PIGN: variants seen among roughly 807,000 people sequenced by gnomAD.
PIGN encodes GPI ethanolamine phosphate transferase 1.
A neutral mutation model predicts 125.4 loss-of-function variants in PIGN; 117 were observed. That is an observed-to-expected ratio of 0.93 (90% confidence interval 0.80 to 1.09). PIGN has a LOEUF of 1.09. Ranked by LOEUF, PIGN falls within the 50% of genes least tolerant of loss-of-function variation. PIGN has a pLI of 0.00. For missense variants in PIGN, 1,075 were observed against 1,094.9 expected, an observed-to-expected ratio of 0.98 and a Z score of 0.26; for synonymous variants, 392 against 377.8, an observed-to-expected ratio of 1.04 and a Z score of -0.44.
At chr18:62,168,705 AT>A (rs1159818358) in intron 1 of PIGN, among the ~76,000 whole-genome samples, 1 of 152,134 alleles carries the variant, frequency 6.6e-6, no homozygotes, top group African/African-American at 2.4e-5. Flanking sequence ...TCTTTATAGC[AT>A]TTTTATAGCT....
At chr18:62,109,525 G>A (rs2034790039) in intron 17 of PIGN, among the ~76,000 whole-genome samples, 1 of 152,124 alleles carries the variant, frequency 6.6e-6, no homozygotes, top group South Asian at 2.1e-4. Context: ...AGTTAGTCTA[G>A]GCATAGTATG....
intron 7 of PIGN, among the ~76,000 whole-genome samples, chr18:62,151,914 T>C (rs1282372158): frequency 6.6e-6 from 1 of 152,090 alleles, no homozygotes; most frequent in Non-Finnish European, 1.5e-5. Context: ...CTCTATAAAA[T>C]ATTTGAAGAG....
intron 23 of PIGN, among the ~76,000 whole-genome samples, chr18:62,035,564 A>C (rs1424467227): frequency 6.6e-6 from 1 of 152,160 alleles, no homozygotes; most frequent in East Asian, 1.9e-4. Context: ...TCTAGGGTAC[A>C]TGTGCACAAC....
intron 14 of PIGN, among the ~76,000 whole-genome samples, chr18:62,118,006 T>C (rs774328084): frequency 6.6e-6 from 1 of 152,176 alleles, no homozygotes; most frequent in African/African-American, 2.4e-5. Flanking sequence ...ATTGATTCCA[T>C]ATTTTAGCTA....
intron 30 of PIGN, among the ~76,000 whole-genome samples, chr18:62,050,271 A>G (rs2145112685): frequency 6.6e-6 from 1 of 152,242 alleles, no homozygotes; most frequent in South Asian, 2.1e-4. Flanking sequence ...ATGGCATTGA[A>G]TCTATAAATT....
chr18:62,123,224 C>T (rs538361125), intron 14 of PIGN, among the ~76,000 whole-genome samples: 1 of 151,880 alleles, frequency 6.6e-6, no homozygotes, highest in Non-Finnish European at 1.5e-5. Flanking sequence ...TGGGCAACAG[C>T]GTAAGACCCT....
At chr18:62,169,972 T>G (rs2037294136) in intron 1 of PIGN, among the ~76,000 whole-genome samples, 1 of 152,218 alleles carries the variant, frequency 6.6e-6, no homozygotes, top group African/African-American at 2.4e-5. Flanking sequence ...CCAAAATTGT[T>G]GTACAACTTT....
At chr18:62,147,497 T>C (rs985281204) in intron 8 of PIGN, among the ~76,000 whole-genome samples, 3 of 152,190 alleles carry the variant, frequency 2.0e-5, no homozygotes, top group Non-Finnish European at 4.4e-5. Context: ...AAATATAATA[T>C]CATGTTTTGA....
intron 23 of PIGN, among the ~76,000 whole-genome samples, chr18:62,024,014 T>C (rs1329263464): frequency 6.6e-6 from 1 of 152,198 alleles, no homozygotes; most frequent in African/African-American, 2.4e-5. Flanking sequence ...ATATCAGAAC[T>C]GTGGGAAGTA....
At chr18:62,119,691 A>G (rs113343827) in intron 14 of PIGN, among the ~76,000 whole-genome samples, 10,151 of 152,072 alleles carry the variant, frequency 0.067, 632 homozygotes, top group African/African-American at 0.16. Flanking sequence ...TAAAAGTACA[A>G]AACTTAGCCG....
At chr18:62,186,430 G>A (rs754155920) in intron 1 of PIGN, 1 of 152,192 alleles carries the variant, frequency 6.6e-6, no homozygotes, top group Non-Finnish European at 1.5e-5. Flanking sequence ...TATTCTGAAG[G>A]GTCCCTGTTG....
chr18:62,125,578 T>C (rs1032111750), intron 14 of PIGN, among the ~76,000 whole-genome samples: 24 of 152,056 alleles, frequency 1.6e-4, no homozygotes, highest in Non-Finnish European at 3.2e-4. Flanking sequence ...TTAAATACTT[T>C]AAGGTTCTTT....
At chr18:62,128,505 CA>C (rs1361371265) in intron 14 of PIGN, among the ~76,000 whole-genome samples, 28 of 152,000 alleles carry the variant, frequency 1.8e-4, no homozygotes, top group African/African-American at 6.0e-4. Context: ...CATAAGAGAT[CA>C]GGGGGAAAAG....
intron 30 of PIGN, among the ~76,000 whole-genome samples, chr18:62,057,641 T>C (rs2031826358): frequency 6.6e-6 from 1 of 152,220 alleles, no homozygotes; most frequent in African/African-American, 2.4e-5. Context: ...AAAATAACTT[T>C]CTGCTCAACA....
At position 62,102,795 on chromosome 18, in the gene PIGN, T is replaced by C. The variant is rs1338840913; in HGVS notation, c.1967A>G (p.Gln656Arg). The C allele has an allele frequency of 2.8e-6, 4 of 1,405,130 alleles. No homozygotes were observed. The highest frequency in any genetic ancestry group is 1.3e-5 in the South Asian group (1 of 78,468). 87.0% of individuals were successfully genotyped at this position (1,405,130 alleles called of 1,614,324 possible). The change falls in exon 21 of 31, where the codon CAG (glutamine) becomes CGG (arginine). Residue 656 changes from glutamine to arginine, a missense_variant and splice_region_variant. Gln to Arg is a conservative substitution (Grantham distance 43). This residue lies in a region of PIGN where 915 missense variants were observed against 908.7 expected (regional missense o/e 1.01). Coordinates refer to ENST00000640252, the MANE Select transcript of PIGN (RefSeq NM_176787.5). ...IKEELLVHLL[Q>R]VLSTVLSMYV... ...TAGTATTGAAAATCTGTAACTGACC[T>C]GTAACAGATGTACCAATAGCTCTTC...
chr18:62,125,140 A>G (rs1389134992), intron 14 of PIGN, among the ~76,000 whole-genome samples: 1 of 49,734 alleles, frequency 2.0e-5, no homozygotes, highest in Non-Finnish European at 4.3e-5. Flanking sequence ...ACACGTTTGT[A>G]CATATGTGTA....
At chr18:62,023,799 A>G (rs978519332) in intron 23 of PIGN, among the ~76,000 whole-genome samples, 7 of 152,244 alleles carry the variant, frequency 4.6e-5, no homozygotes, top group Admixed American at 4.6e-4. Context: ...ATACACAGTG[A>G]CCAGTCACTG....
rs140456241 is a variant in PIGN at position 62,144,461 on chromosome 18, G to A, written c.923-1115C>T. 3.0e-4 allele frequency among the ~76,000 whole-genome samples: 46 copies of A among 152,270 alleles called. No individual in the cohort carries two copies. In the East Asian group the frequency reaches 6.8e-3, roughly 22 times the overall value. The stretch of plus-strand genomic sequence containing the variant: ...TTACCTCTCCAACTCTCAACTCATT[G>A]TACTCTGCTCCCAGCTGACAGTGCT... On this transcript the variant is annotated intron_variant, in intron 10 of 30. Coordinates refer to ENST00000640252, the MANE Select transcript of PIGN (RefSeq NM_176787.5).
intron 30 of PIGN, among the ~76,000 whole-genome samples, chr18:62,065,136 G>A (rs2032432661): frequency 6.6e-6 from 1 of 152,030 alleles, no homozygotes; most frequent in Admixed American, 6.6e-5. Context: ...CCCTCCCTTT[G>A]TCCTCCTTTA....
Sources: gnomAD v4.1 joint callset for allele counts (sites outside exome capture counted in the v4.1 genomes callset) on GRCh38, gnomAD v4.1.1 for gene constraint, gnomAD v4.1.1 regional missense constraint, MANE v1.5 for transcripts, NCBI Gene and HGNC (gene_info 2026-07-23, HGNC 2026-07-21) for gene names.